Variants in ADAMTS6 observed in about 807,000 individuals in gnomAD.
ADAMTS6 encodes ADAM metallopeptidase with thrombospondin type 1 motif 6.
In ADAMTS6, 23 loss-of-function variants were observed where a neutral mutation model predicts 144.3. The observed-to-expected ratio is 0.16, with a 90% CI of 0.11 to 0.23. ADAMTS6 has a LOEUF of 0.23. Ranked by LOEUF, ADAMTS6 falls within the 10% of genes least tolerant of loss-of-function variation. The probability of loss-of-function intolerance (pLI) is 1.00; values close to 1 mark genes in which losing one functional copy is unlikely to be tolerated. For missense variants in ADAMTS6, 999 were observed against 1,379.6 expected (o/e 0.72, Z 4.37); for synonymous variants, 444 against 457.5 (o/e 0.97, Z 0.38).
chr5:65,217,137 A>G (rs1218858099), intron 18 of ADAMTS6, among the ~76,000 whole-genome samples: 1 of 152,238 alleles, frequency 6.6e-6, no homozygotes, highest in Non-Finnish European at 1.5e-5. Context: ...AATCTTCAAA[A>G]TAAATCTAAT....
At chr5:65,387,472 A>G (rs1322219486) in intron 7 of ADAMTS6, among the ~76,000 whole-genome samples, 1 of 152,208 alleles carries the variant, frequency 6.6e-6, no homozygotes, top group African/African-American at 2.4e-5. Flanking sequence ...AAAAGTTTAA[A>G]ATGTCTGACA....
chr5:65,155,722 C>A (rs1752374694), intron 24 of ADAMTS6, among the ~76,000 whole-genome samples: 1 of 152,128 alleles, frequency 6.6e-6, no homozygotes, highest in Non-Finnish European at 1.5e-5. Flanking sequence ...GACTCCAGAG[C>A]CATTCTATTT....
chr5:65,324,268 A>G (rs1332274922), intron 9 of ADAMTS6, among the ~76,000 whole-genome samples: 1 of 152,204 alleles, frequency 6.6e-6, no homozygotes, highest in Non-Finnish European at 1.5e-5. Flanking sequence ...ACCTCAACCT[A>G]TACCTCCTAC....
intron 4 of ADAMTS6, among the ~76,000 whole-genome samples, chr5:65,457,498 A>C (rs1759303449): frequency 6.6e-6 from 1 of 152,186 alleles, no homozygotes; most frequent in South Asian, 2.1e-4. Flanking sequence ...CTAATGCGTA[A>C]ACCATTAAAA....
At chr5:65,340,655 A>G (rs992034185) in intron 7 of ADAMTS6, among the ~76,000 whole-genome samples, 3 of 152,080 alleles carry the variant, frequency 2.0e-5, no homozygotes, top group African/African-American at 4.8e-5. Context: ...CCCCATTGAA[A>G]AGATATAAAC....
intron 9 of ADAMTS6, among the ~76,000 whole-genome samples, chr5:65,327,222 C>T (rs916308351): frequency 6.6e-6 from 1 of 152,142 alleles, no homozygotes; most frequent in Non-Finnish European, 1.5e-5. Flanking sequence ...CTGAGTCCCT[C>T]ACTAGAAGCA....
intron 9 of ADAMTS6, among the ~76,000 whole-genome samples, chr5:65,317,847 G>A (rs894707928): frequency 9.9e-5 from 15 of 152,092 alleles, no homozygotes; most frequent in Non-Finnish European, 1.9e-4. Flanking sequence ...GCCGAGGCGG[G>A]TGGATCACGA....
At chr5:65,255,376 C>G (rs902762559) in intron 14 of ADAMTS6, among the ~76,000 whole-genome samples, 1 of 152,110 alleles carries the variant, frequency 6.6e-6, no homozygotes, top group African/African-American at 2.4e-5. Context: ...ACACTGCACC[C>G]AGTGTGTAGT....
chr5:65,275,395 GAAAGAAAGAAAGAAAGAAAGA>G (rs1210564371), intron 11 of ADAMTS6, among the ~76,000 whole-genome samples: 56 of 131,334 alleles, frequency 4.3e-4, no homozygotes, highest in South Asian at 4.0e-3. Context: ...AAGAAAGAAA[GAAAGAAAGAAAGAAAGAAAGA>G]AAAGAAAGAA....
chr5:65,466,869 C>T (rs1279756571), intron 3 of ADAMTS6, among the ~76,000 whole-genome samples: 5 of 152,042 alleles, frequency 3.3e-5, no homozygotes, highest in Non-Finnish European at 4.4e-5. Flanking sequence ...AGTGAAACCC[C>T]GTCTCTACTA....
intron 4 of ADAMTS6, among the ~76,000 whole-genome samples, chr5:65,453,239 C>A (rs1182680350): frequency 6.6e-6 from 1 of 152,054 alleles, no homozygotes; most frequent in Non-Finnish European, 1.5e-5. Flanking sequence ...AGGATATATA[C>A]TTTAAAGAGC....
chr5:65,255,468 T>C (rs144437217), intron 14 of ADAMTS6, among the ~76,000 whole-genome samples: 420 of 152,156 alleles, frequency 2.8e-3, no homozygotes, highest in African/African-American at 8.5e-3. Flanking sequence ...TGCATCCTCA[T>C]AGCTTAGCTC....
chr5:65,354,911 A>G (rs1749184152), intron 7 of ADAMTS6, among the ~76,000 whole-genome samples: 1 of 151,860 alleles, frequency 6.6e-6, no homozygotes, highest in Non-Finnish European at 1.5e-5. Flanking sequence ...TATAGTTAAG[A>G]TAAATGAAGT....
rs1376858860 is a variant in ADAMTS6 at position 65,472,115 on chromosome 5, CA to C, written c.98-974del. Among the ~76,000 whole-genome samples the C allele has an allele frequency of 2.0e-5, 3 of 152,182 alleles. No homozygotes were observed. The East Asian group carries it at 5.8e-4, about 29-fold the overall frequency. Reference sequence around the variant, plus strand: ...ACATGCTATGACATGAATGAACCTTCAGAACAACTGTCTTCATAATCAAAGT... The same window carrying C: ...ACATGCTATGACATGAATGAACCTTCGAACAACTGTCTTCATAATCAAAGT... On this transcript the variant is annotated intron_variant, in intron 2 of 24. Coordinates refer to ENST00000381055, the MANE Select transcript of ADAMTS6 (RefSeq NM_197941.4).
At chr5:65,246,640 G>T (rs1323282915) in intron 14 of ADAMTS6, among the ~76,000 whole-genome samples, 1 of 152,170 alleles carries the variant, frequency 6.6e-6, no homozygotes, top group African/African-American at 2.4e-5. Flanking sequence ...TCTGTGAAAA[G>T]AATCTTCCAG....
chr5:65,401,458 CTGCTGCTGGGAACACAAGGGAGTT>C (rs1389148375), intron 7 of ADAMTS6, among the ~76,000 whole-genome samples: 5 of 152,180 alleles, frequency 3.3e-5, no homozygotes, highest in Admixed American at 3.3e-4. Flanking sequence ...CTTTCCCCTT[CTGCTGCTGGGAACACAAGGGAGTT>C]TTTCTCCAAT....
chr5:65,404,284 ATCCCTGC>A (rs1754219298), intron 7 of ADAMTS6, among the ~76,000 whole-genome samples: 1 of 152,016 alleles, frequency 6.6e-6, no homozygotes, highest in Non-Finnish European at 1.5e-5. Flanking sequence ...CGCTAATGTT[ATCCCTGC>A]TCCCTGCCCC....
chr5:65,413,348 C>T (rs1168059462), intron 7 of ADAMTS6, among the ~76,000 whole-genome samples: 1 of 152,112 alleles, frequency 6.6e-6, no homozygotes, highest in Non-Finnish European at 1.5e-5. Flanking sequence ...TCACAGTTTT[C>T]CCAGGCAATT....
chr5:65,324,158 A>G (rs935391443), intron 9 of ADAMTS6, among the ~76,000 whole-genome samples: 2 of 152,130 alleles, frequency 1.3e-5, no homozygotes, highest in Non-Finnish European at 2.9e-5. Flanking sequence ...TTTTGTTGCC[A>G]TTGCTTTTGG....
Sources: gnomAD v4.1 joint callset for allele counts (sites outside exome capture counted in the v4.1 genomes callset) on GRCh38, gnomAD v4.1.1 for gene constraint, MANE v1.5 for transcripts, NCBI Gene and HGNC (gene_info 2026-07-23, HGNC 2026-07-21) for gene names.